Variants in DNAJC10 observed in about 807,000 individuals in gnomAD.
The protein encoded by DNAJC10 is DnaJ heat shock protein family (Hsp40) member C10, also known as endoplasmic reticulum disulfide reductase DNAJC10.
DNAJC10 carries 101 observed loss-of-function variants against 115.0 expected under a neutral mutation model. That is an observed-to-expected ratio of 0.88 (90% CI 0.75 to 1.04). The LOEUF (loss-of-function observed/expected upper bound fraction) is 1.04, where lower values mean the gene tolerates loss of function less well. Among genes scored for constraint, DNAJC10 ranks in the 50% least tolerant of loss-of-function variants. The probability of loss-of-function intolerance (pLI) is 0.00; values close to 1 mark genes in which losing one functional copy is unlikely to be tolerated. For synonymous variants in DNAJC10, 307 were observed against 301.5 expected (o/e 1.02, Z -0.19); for missense variants, 981 against 928.8 (o/e 1.06, Z -0.73).
At chr2:182,717,332 T>C (rs1693020024) in intron 2 of DNAJC10, among the ~76,000 whole-genome samples, 1 of 152,206 alleles carries the variant, frequency 6.6e-6, no homozygotes, top group African/African-American at 2.4e-5. Flanking sequence ...TAACTTACAA[T>C]TGTTTTTCTA....
chr2:182,729,293 C>T (rs1018282482), intron 7 of DNAJC10, among the ~76,000 whole-genome samples: 3 of 152,056 alleles, frequency 2.0e-5, no homozygotes, highest in Non-Finnish European at 4.4e-5. Context: ...GGACTACAGG[C>T]ACCCGCTCCC....
intron 22 of DNAJC10, among the ~76,000 whole-genome samples, chr2:182,772,711 T>C (rs1376691412): frequency 6.6e-6 from 1 of 152,234 alleles, no homozygotes; most frequent in African/African-American, 2.4e-5. Flanking sequence ...CCTCCATCCC[T>C]TTATTTTGAG....
intron 14 of DNAJC10, among the ~76,000 whole-genome samples, 173 bp downstream of exon 14, chr2:182,743,885 C>T (rs989485532): frequency 2.0e-5 from 3 of 151,972 alleles, no homozygotes; most frequent in African/African-American, 7.2e-5. Context: ...TTCTCTTTAC[C>T]CTTCTTTTTA....
intron 10 of DNAJC10, among the ~76,000 whole-genome samples, chr2:182,734,739 T>C (rs1387786343): frequency 6.6e-6 from 1 of 151,844 alleles, no homozygotes; most frequent in Non-Finnish European, 1.5e-5. Flanking sequence ...TTTGATGCTT[T>C]GTTATTAGAT....
chr2:182,735,017 A>T (rs1693549903), intron 10 of DNAJC10, among the ~76,000 whole-genome samples: 2 of 151,214 alleles, frequency 1.3e-5, no homozygotes, highest in Non-Finnish European at 3.0e-5. Context: ...TAGTCCATTT[A>T]CATTTAATGT....
rs1291245442 is a variant in DNAJC10, at chr2:182,788,843, G to A, written c.*11711G>A. The A allele has an allele frequency of 4.4e-6, 2 of 455,674 alleles. No homozygotes were observed. The highest frequency in any genetic ancestry group is 1.6e-5 in the South Asian group (1 of 64,004). The allele number at this position is 455,674 out of a possible 1,614,324, so 28.2% of individuals were successfully genotyped here. ...ATGTCTACGGATTTTTTGGGGAAGA[G>A]AGATTTCACGTTAAAGGTCATTTTG... On this transcript the variant is annotated 3_prime_UTR_variant, in exon 24 of 24. Transcript: ENST00000264065.
rs1694855093 is a variant in DNAJC10, at chr2:182,781,859, G to T, written c.*4727G>T. The T allele has an allele frequency of 6.6e-6, 1 of 152,130 alleles. No individual in the cohort carries two copies. The highest frequency in any genetic ancestry group is 2.4e-5 in the African/African-American group (1 of 41,506). The allele number at this position is 152,130 out of a possible 1,614,324, so 9.4% of individuals were successfully genotyped here. A position where few individuals can be genotyped will look rare whatever the true frequency, so the allele number is the denominator to read the frequency against. On this transcript the variant is annotated 3_prime_UTR_variant, in exon 24 of 24. Transcript: ENST00000264065. The stretch of plus-strand genomic sequence containing the variant: ...TGTAGATTCTGGATATTAGCCCTTT[G>T]TCAGATGGATAGATTGCAAAAAGTT...
At position 182,784,322 on chromosome 2, in the gene DNAJC10, T is replaced by TA. The variant is rs1329927312; in HGVS notation, c.*7199dup. On this transcript the variant is annotated 3_prime_UTR_variant, in exon 24 of 24. Coordinates refer to ENST00000264065, the MANE Select transcript of DNAJC10 (RefSeq NM_018981.4). Reference sequence around the variant, plus strand: ...CTGGGTGACGGAGTAAGACCCTGTCTAAAAAAAAACAAAACAACAAAAAAA... The same window carrying TA: ...CTGGGTGACGGAGTAAGACCCTGTCTAAAAAAAAAACAAAACAACAAAAAAA... 4.5e-3 allele frequency: 677 copies of TA among 150,608 alleles called. 7 individuals carry two copies. Among genetic ancestry groups the TA allele is most frequent in the African/African-American group, 0.015 (595 of 41,026 alleles). The allele number at this position is 150,608 out of a possible 1,614,324, so 9.3% of individuals were successfully genotyped here. A position where few individuals can be genotyped will look rare whatever the true frequency, so the allele number is the denominator to read the frequency against.
intron 21 of DNAJC10, among the ~76,000 whole-genome samples, chr2:182,761,986 G>A (rs1439454372): frequency 6.6e-6 from 1 of 152,108 alleles, no homozygotes; most frequent in Non-Finnish European, 1.5e-5. Context: ...GGAGTGGTCA[G>A]CAGTAAACAT....
In DNAJC10 at chr2:182,792,894, G is replaced by T. The variant is rs891970432; in HGVS notation, c.*15762G>T. 6.6e-6 allele frequency: 1 copy of T among 152,192 alleles called. No homozygotes were observed. Among genetic ancestry groups the T allele is most frequent in the Non-Finnish European group, 1.5e-5 (1 of 68,046 alleles). 9.4% of individuals were successfully genotyped at this position (152,192 alleles called of 1,614,324 possible). A position where few individuals can be genotyped will look rare whatever the true frequency, so the allele number is the denominator to read the frequency against. ...ACCTCATGAAGATTCTATTCTCGCA[G>T]TGGGGAGATAGACAATAAACAATTA... On this transcript the variant is annotated 3_prime_UTR_variant, in exon 24 of 24. Transcript: ENST00000264065.
At position 182,784,643 on chromosome 2, in the gene DNAJC10, TAA is replaced by T. The variant is rs1031183164; in HGVS notation, c.*7512_*7513del. 2 of 152,106 alleles carry T rather than the reference TAA, an allele frequency of 1.3e-5. No individual in the cohort carries two copies. The highest frequency in any genetic ancestry group is 4.8e-5 in the African/African-American group (2 of 41,330). The allele number at this position is 152,106 out of a possible 1,614,324, so 9.4% of individuals were successfully genotyped here. On this transcript the variant is annotated 3_prime_UTR_variant, in exon 24 of 24. Transcript: ENST00000264065. Reference sequence around the variant, plus strand: ...ATGCCTTAAAAATTATAAATAATGATAAGTTTAATTTGCAGCCCTTATAGCTT... The same window carrying T: ...ATGCCTTAAAAATTATAAATAATGATGTTTAATTTGCAGCCCTTATAGCTT...
chr2:182,748,226 A>G (rs1201467308), intron 14 of DNAJC10, among the ~76,000 whole-genome samples: 1 of 151,780 alleles, frequency 6.6e-6, no homozygotes, highest in South Asian at 2.1e-4. Context: ...CTTTGGTATC[A>G]GGATGATGCT....
intron 22 of DNAJC10, among the ~76,000 whole-genome samples, chr2:182,767,108 G>T (rs288291): frequency 6.6e-6 from 1 of 152,044 alleles, no homozygotes; most frequent in East Asian, 1.9e-4. Flanking sequence ...GGAATGAAGC[G>T]TAGAGTGGAA....
At position 182,789,310 on chromosome 2, in the gene DNAJC10, C is replaced by G. The variant is rs1209822766; in HGVS notation, c.*12178C>G. 3.3e-5 allele frequency: 5 copies of G among 153,786 alleles called. No homozygotes were observed. Among genetic ancestry groups the G allele is most frequent in the Non-Finnish European group, 7.2e-5 (5 of 69,314 alleles). 9.5% of individuals were successfully genotyped at this position (153,786 alleles called of 1,614,324 possible). A position where few individuals can be genotyped will look rare whatever the true frequency, so the allele number is the denominator to read the frequency against. On this transcript the variant is annotated 3_prime_UTR_variant, in exon 24 of 24. Coordinates refer to ENST00000264065, the MANE Select transcript of DNAJC10 (RefSeq NM_018981.4). Reference sequence around the variant, plus strand: ...GATCTCAGCTCACTGCAACCTCCACCTCCCAGGTTCAAGCGATTCTCCTGC... The same window carrying G: ...GATCTCAGCTCACTGCAACCTCCACGTCCCAGGTTCAAGCGATTCTCCTGC...
chr2:182,728,766 A>T, intron 6 of DNAJC10, 97 bp from the exon 7 acceptor site: 1 of 1,508,008 alleles, frequency 6.6e-7, no homozygotes, highest in Non-Finnish European at 9.1e-7. Flanking sequence ...ATTATCAAAT[A>T]CTTTAAATGT....
chr2:182,729,019 T>C (rs1262324010), intron 7 of DNAJC10, 25 bp downstream of exon 7: 51 of 1,609,718 alleles, frequency 3.2e-5, no homozygotes, highest in Non-Finnish European at 4.1e-5. Context: ...TAGCATTTTT[T>C]AAATTTGTGA....
rs77882246 is a variant in DNAJC10 at position 182,745,458 on chromosome 2, C to T, written c.1306+1746C>T. Among the ~76,000 whole-genome samples, 777 of 152,340 alleles carry T rather than the reference C, an allele frequency of 5.1e-3. 7 individuals are homozygous for T. The highest frequency in any genetic ancestry group is 0.018 in the African/African-American group (728 of 41,582). ...AATTGCCTTTCAAAACTTAAAGCAGCTTCTTCCCTGGAAAATATATTATGA... is the reference window on the plus strand; with the variant it reads ...AATTGCCTTTCAAAACTTAAAGCAGTTTCTTCCCTGGAAAATATATTATGA... On this transcript the variant is annotated intron_variant, in intron 14 of 23. Transcript: ENST00000264065.
In DNAJC10 at chr2:182,718,047, C is replaced by CT. The variant is rs755538241; in HGVS notation, c.-38dup. On this transcript the variant is annotated 5_prime_UTR_variant, in exon 3 of 24. Transcript: ENST00000264065. ...ACATCAACTGGAACCAGCAGTGAAT[C>CT]TTAATGTTCACTTAAATCAGAACTT... is the stretch of plus-strand genomic sequence containing the variant. The CT allele has an allele frequency of 8.1e-5, 119 of 1,462,456 alleles. No individual in the cohort carries two copies. The highest frequency in any genetic ancestry group is 1.1e-4 in the Non-Finnish European group (115 of 1,066,238). The allele number at this position is 1,462,456 out of a possible 1,614,324, so 90.6% of individuals were successfully genotyped here.
intron 8 of DNAJC10, among the ~76,000 whole-genome samples, chr2:182,730,179 G>A (rs781434822): frequency 2.0e-5 from 3 of 152,074 alleles, no homozygotes; most frequent in African/African-American, 4.8e-5. Context: ...ATAGGGCTAC[G>A]GTAAAAAAGG....
Sources: gnomAD v4.1 joint callset for allele counts (sites outside exome capture counted in the v4.1 genomes callset) on GRCh38, gnomAD v4.1.1 for gene constraint, MANE v1.5 for transcripts, NCBI Gene and HGNC (gene_info 2026-07-23, HGNC 2026-07-21) for gene names.